ENOSF1: variants seen among roughly 807,000 people sequenced by gnomAD.
ENOSF1 encodes mitochondrial enolase superfamily member 1.
ENOSF1 carries 73 observed loss-of-function variants against 68.2 expected under a neutral mutation model. The ratio of observed to expected loss-of-function variants is 1.07; its 90% CI spans 0.89 to 1.30. ENOSF1 has a LOEUF of 1.30. ENOSF1 is among the 50% of genes most tolerant of loss of function. The pLI, the probability that ENOSF1 is intolerant of heterozygous loss-of-function variation, is 0.00. For missense variants in ENOSF1, 589 were observed against 554.5 expected, an observed-to-expected ratio of 1.06 and a Z score of -0.62; for synonymous variants, 223 against 210.4, an observed-to-expected ratio of 1.06 and a Z score of -0.52.
At chr18:667,310 TGATGGAGATGGTGATGGTGATGGA>T (rs2074863691), downstream of ENOSF1, among the ~76,000 whole-genome samples, 1 of 30,384 alleles carries the variant, frequency 3.3e-5, no homozygotes. Context: ...ATGGTGATGG[TGATGGAGATGGTGATGGTGATGGA>T]GATGGTGATG....
rs35814994 is a variant in ENOSF1, at chr18:682,715, C to CAAAA, written c.876+527_876+530dup. On this transcript the variant is annotated intron_variant, in intron 11 of 15. Coordinates refer to ENST00000647584, the MANE Select transcript of ENOSF1 (RefSeq NM_017512.7). ...GAAACCTCATCTCTACTAAAAATAC[C>CAAAA]AAAAAAAAAAAAAAAAAAAAAGCCA... Among the ~76,000 whole-genome samples the CAAAA allele has an allele frequency of 1.4e-3, 79 of 56,628 alleles. No individual in the cohort carries two copies. In the East Asian group the frequency reaches 0.015, roughly 11 times the overall value. 37.2% of individuals were successfully genotyped at this position (56,628 alleles called of 152,430 possible).
downstream of ENOSF1, chr18:667,575 GGT>G (rs1371712692): frequency 1.2e-5 from 1 of 82,652 alleles, no homozygotes; most frequent in Admixed American, 1.0e-4. Context: ...TGATGGAGAT[GGT>G]GATGGTGATG....
At chr18:709,114 G>A (rs906879161) in intron 1 of ENOSF1, among the ~76,000 whole-genome samples, 5 of 152,192 alleles carry the variant, frequency 3.3e-5, no homozygotes, top group Non-Finnish European at 4.4e-5. Context: ...GACAAACTGC[G>A]TTTAGCATGA....
intron 1 of ENOSF1, among the ~76,000 whole-genome samples, chr18:710,975 A>G (rs145091807): frequency 2.6e-5 from 4 of 152,282 alleles, no homozygotes; most frequent in Admixed American, 6.5e-5. Context: ...TGAAGATTTT[A>G]AAGAGGATGA....
intron 1 of ENOSF1, among the ~76,000 whole-genome samples, chr18:712,208 T>C (rs919564601): frequency 3.3e-5 from 5 of 152,184 alleles, no homozygotes; most frequent in Admixed American, 3.3e-4. Context: ...TGGATACTTA[T>C]ACAATTGCTC....
At chr18:669,840 T>TTAAA, downstream of ENOSF1, among the ~76,000 whole-genome samples, 1 of 148,196 alleles carries the variant, frequency 6.7e-6, no homozygotes, top group East Asian at 2.0e-4. Flanking sequence ...CTCACACCTG[T>TTAAA]AATTCCAACA....
chr18:681,143 T>TGAGC (rs1212527103), intron 11 of ENOSF1, among the ~76,000 whole-genome samples: 6 of 152,130 alleles, frequency 3.9e-5, no homozygotes, highest in African/African-American at 1.4e-4. Flanking sequence ...GTTACAGGTG[T>TGAGC]GAGCCACTAT....
chr18:702,800 A>C (rs2078506827), intron 2 of ENOSF1, among the ~76,000 whole-genome samples: 1 of 152,016 alleles, frequency 6.6e-6, no homozygotes, highest in Non-Finnish European at 1.5e-5. Context: ...ATGAATATTA[A>C]TTAAGTAAAT....
At chr18:700,627 G>A (rs536914704) in intron 2 of ENOSF1, among the ~76,000 whole-genome samples, 3 of 152,160 alleles carry the variant, frequency 2.0e-5, no homozygotes, top group Non-Finnish European at 4.4e-5. Flanking sequence ...GCTCATGCCT[G>A]TAATCCCAGC....
chr18:697,888 G>A (rs953089631), intron 2 of ENOSF1, among the ~76,000 whole-genome samples: 4 of 152,052 alleles, frequency 2.6e-5, no homozygotes, highest in South Asian at 2.1e-4. Context: ...TGACCTCCCC[G>A]GCTCAGGTAA....
rs956677036 is a variant in ENOSF1, at chr18:690,645, G to A, written c.536-14C>T. The A allele has an allele frequency of 2.4e-5, 38 of 1,612,284 alleles. No homozygotes were observed. The highest frequency in any genetic ancestry group is 3.1e-5 in the Non-Finnish European group (37 of 1,179,962). On this transcript the variant is annotated splice_polypyrimidine_tract_variant and intron_variant, in intron 7 of 15. Coordinates refer to ENST00000647584, the MANE Select transcript of ENOSF1 (RefSeq NM_017512.7). ...GCATTTGCTTCTCTGTGAAAACACA[G>A]CGCCGTCAACATTTTGCACTTTCCA...
intron 1 of ENOSF1, chr18:712,235 A>C: frequency 6.6e-7 from 1 of 1,506,322 alleles, no homozygotes; most frequent in South Asian, 1.2e-5. Flanking sequence ...ATGAAAAGCG[A>C]GTGTCTCCCC....
intron 4 of ENOSF1, 94 bp downstream of exon 4, chr18:694,154 G>T: frequency 2.3e-6 from 3 of 1,301,556 alleles, no homozygotes; most frequent in South Asian, 2.6e-5. Flanking sequence ...TTTCCTTTTG[G>T]GGGCTGCAGT....
In ENOSF1 at chr18:674,468, G is replaced by C. The variant is rs972243555; in HGVS notation, c.1231-62C>G. ...CACCTGGAACAAAAACAGATTTTAT[G>C]CATTTATGCTGCTCCAAGAAATGCT... is the stretch of plus-strand genomic sequence containing the variant. On this transcript the variant is annotated intron_variant, in intron 15 of 15. Transcript: ENST00000647584. 6 of 1,018,190 alleles carry C rather than the reference G, an allele frequency of 5.9e-6. No homozygotes were observed. The African/African-American group carries it at 9.8e-5, about 17-fold the overall frequency. 63.1% of individuals were successfully genotyped at this position (1,018,190 alleles called of 1,614,324 possible). A position where few individuals can be genotyped will look rare whatever the true frequency, so the allele number is the denominator to read the frequency against.
chr18:674,035 A>G lies in ENOSF1; in HGVS notation c.*270T>C, dbSNP rs1183133042. 1 of 294,870 alleles carries G rather than the reference A, an allele frequency of 3.4e-6. No individual in the cohort carries two copies. Among genetic ancestry groups the G allele is most frequent in the African/African-American group, 2.2e-5 (1 of 45,446 alleles). The allele number at this position is 294,870 out of a possible 1,614,324, so 18.3% of individuals were successfully genotyped here. A position where few individuals can be genotyped will look rare whatever the true frequency, so the allele number is the denominator to read the frequency against. On this transcript the variant is annotated 3_prime_UTR_variant, in exon 16 of 16. Coordinates refer to ENST00000647584, the MANE Select transcript of ENOSF1 (RefSeq NM_017512.7). ...AATTACAGTTTAATGTCTAGGTGCC[A>G]GCCCTTGATATAGCTATTTTTGTAA...
the ENOSF1 span, among the ~76,000 whole-genome samples, chr18:664,749 G>C: frequency 6.6e-6 from 1 of 150,580 alleles, no homozygotes; most frequent in Admixed American, 6.6e-5. Context: ...TTTTGTCAAA[G>C]GCCTTTTCTG....
intron 2 of ENOSF1, among the ~76,000 whole-genome samples, chr18:699,945 T>C (rs1445093334): frequency 3.3e-5 from 5 of 152,224 alleles, no homozygotes; most frequent in African/African-American, 1.2e-4. Flanking sequence ...CTGGGCATGG[T>C]GGCAGGTGCC....
At position 670,461 on chromosome 18, in the gene ENOSF1, A is replaced by G; in HGVS notation, c.*3844T>C. On this transcript the variant is annotated 3_prime_UTR_variant, in exon 16 of 16. Transcript: ENST00000647584. ...ATCCCTTCAGCTCTGATGGAAGAGC[A>G]TTGCTTCAGCCGTAAATGGACACCT... The G allele has an allele frequency of 1.9e-6, 1 of 532,904 alleles. No individual in the cohort carries two copies. Among genetic ancestry groups the G allele is most frequent in the South Asian group, 2.5e-5 (1 of 39,810 alleles). The allele number at this position is 532,904 out of a possible 1,614,324, so 33.0% of individuals were successfully genotyped here.
At chr18:666,921 A>ATGGC (rs2074832063), downstream of ENOSF1, among the ~76,000 whole-genome samples, 1 of 33,482 alleles carries the variant, frequency 3.0e-5, no homozygotes, top group African/African-American at 1.1e-4. Context: ...ATGGTGATGG[A>ATGGC]GATGGTGATG....
Sources: gnomAD v4.1 joint callset for allele counts (sites outside exome capture counted in the v4.1 genomes callset) on GRCh38, gnomAD v4.1.1 for gene constraint, MANE v1.5 for transcripts, NCBI Gene and HGNC (gene_info 2026-07-23, HGNC 2026-07-21) for gene names.